GALNT13: variants seen among roughly 807,000 people sequenced by gnomAD.
GALNT13 encodes the protein polypeptide N-acetylgalactosaminyltransferase 13, also known as UDP-GalNAc:polypeptide N-acetylgalactosaminyltransferase 13.
Under a neutral mutation model 64.2 loss-of-function variants are expected in GALNT13, and 28 were observed. The observed-to-expected ratio is 0.44, with a 90% CI of 0.32 to 0.60. The LOEUF (loss-of-function observed/expected upper bound fraction) is 0.60, where lower values mean the gene tolerates loss of function less well. GALNT13 is among the 20% of genes least tolerant of loss of function. The pLI is 0.05. For missense variants in GALNT13, 577 were observed against 669.8 expected (o/e 0.86, Z 1.53); for synonymous variants, 214 against 224.6 (o/e 0.95, Z 0.42).
intron 11 of GALNT13, among the ~76,000 whole-genome samples, chr2:154,421,452 G>A (rs531702063): frequency 4.6e-5 from 7 of 152,040 alleles, no homozygotes; most frequent in Admixed American, 2.0e-4. Flanking sequence ...AAATATAGAC[G>A]TAGTAGTCAT....
chr2:153,909,597 G>A (rs991886202), intron 2 of GALNT13, among the ~76,000 whole-genome samples: 1 of 152,070 alleles, frequency 6.6e-6, no homozygotes, highest in Non-Finnish European at 1.5e-5. Flanking sequence ...TTTGAGGTAT[G>A]TTCCTTCAAT....
At chr2:154,384,791 T>G (rs933165403) in intron 9 of GALNT13, among the ~76,000 whole-genome samples, 1 of 151,954 alleles carries the variant, frequency 6.6e-6, no homozygotes, top group African/African-American at 2.4e-5. Context: ...AAATCATGAT[T>G]CAGTATTATG....
At chr2:153,683,671 G>A in the GALNT13 span, among the ~76,000 whole-genome samples, 3 of 151,612 alleles carry the variant, frequency 2.0e-5, no homozygotes, top group Non-Finnish European at 4.4e-5. Flanking sequence ...TTGGACTTTT[G>A]ATGCCTCTCA....
chr2:154,026,324 C>G (rs964937787), intron 3 of GALNT13, among the ~76,000 whole-genome samples: 5 of 152,068 alleles, frequency 3.3e-5, no homozygotes, highest in African/African-American at 9.7e-5. Flanking sequence ...AGTCTTCTGG[C>G]TTGCTATTAT....
intron 10 of GALNT13, among the ~76,000 whole-genome samples, chr2:154,407,379 G>A (rs148777730): frequency 1.3e-5 from 2 of 152,196 alleles, no homozygotes; most frequent in East Asian, 1.9e-4. Context: ...AAAATCTGAT[G>A]TAAGGGATTT....
the GALNT13 span, among the ~76,000 whole-genome samples, chr2:153,516,767 T>C: frequency 6.6e-6 from 1 of 152,112 alleles, no homozygotes; most frequent in Non-Finnish European, 1.5e-5. Flanking sequence ...TAATTAAGCA[T>C]GAATTCCATT....
chr2:153,146,172 T>G, the GALNT13 span, among the ~76,000 whole-genome samples: 346 of 106,632 alleles, frequency 3.2e-3, no homozygotes, highest in Admixed American at 4.9e-3. Flanking sequence ...TTATGGAGGG[T>G]TTTTTTTTTT....
chr2:153,593,958 G>A, the GALNT13 span, among the ~76,000 whole-genome samples: 1 of 152,014 alleles, frequency 6.6e-6, no homozygotes, highest in African/African-American at 2.4e-5. Context: ...TCAATAACTT[G>A]CCGTAAAATA....
At chr2:153,339,401 A>T in the GALNT13 span, among the ~76,000 whole-genome samples, 4 of 152,268 alleles carry the variant, frequency 2.6e-5, no homozygotes, top group South Asian at 6.2e-4. Flanking sequence ...ATTGTTGGCC[A>T]TTTGTGTGTC....
chr2:154,168,893 A>G (rs1005039910), intron 4 of GALNT13, among the ~76,000 whole-genome samples: 1 of 152,006 alleles, frequency 6.6e-6, no homozygotes, highest in Admixed American at 6.6e-5. Flanking sequence ...GGCTAATGGT[A>G]CTGTAGTTTC....
Position 154,027,348 on chromosome 2 carries a change from G to A in GALNT13, c.142+82709G>A, listed in dbSNP as rs117735540. On this transcript the variant is annotated intron_variant, in intron 3 of 12. Coordinates refer to ENST00000392825, the MANE Select transcript of GALNT13 (RefSeq NM_052917.4). ...GACTACTTAACAATATAGAAACATT[G>A]CTTTGTGTCTGCTTTTCCATATTCA... Among the ~76,000 whole-genome samples, 5 of 152,186 alleles carry A rather than the reference G, an allele frequency of 3.3e-5. No homozygotes were observed. The East Asian group carries it at 9.7e-4, about 29-fold the overall frequency.
chr2:153,412,598 A>T, the GALNT13 span, among the ~76,000 whole-genome samples: 7 of 152,254 alleles, frequency 4.6e-5, no homozygotes, highest in Middle Eastern at 3.4e-3. Context: ...AGGAATTTGA[A>T]AACTGTCAAG....
intron 2 of GALNT13, among the ~76,000 whole-genome samples, chr2:153,939,968 G>A (rs967249786): frequency 6.6e-6 from 1 of 152,034 alleles, no homozygotes; most frequent in East Asian, 1.9e-4. Context: ...ACTCTGAAAC[G>A]TTTTCTTTTA....
chr2:153,285,069 A>G, the GALNT13 span, among the ~76,000 whole-genome samples: 1 of 151,624 alleles, frequency 6.6e-6, no homozygotes, highest in South Asian at 2.1e-4. Flanking sequence ...ATTGACTCAC[A>G]GTTCCACATG....
chr2:153,258,293 C>G, the GALNT13 span, among the ~76,000 whole-genome samples: 1 of 152,104 alleles, frequency 6.6e-6, no homozygotes, highest in African/African-American at 2.4e-5. Context: ...CCCCCACCCA[C>G]CAAGTTGTCC....
intron 2 of GALNT13, among the ~76,000 whole-genome samples, chr2:153,931,118 G>T (rs748380521): frequency 8.1e-5 from 12 of 148,336 alleles, no homozygotes; most frequent in Non-Finnish European, 1.6e-4. Flanking sequence ...TTGTGAATGG[G>T]ATTGCCTCTT....
At chr2:153,501,443 C>T in the GALNT13 span, among the ~76,000 whole-genome samples, 4 of 152,046 alleles carry the variant, frequency 2.6e-5, no homozygotes, top group African/African-American at 9.7e-5. Flanking sequence ...GCGATTCTCC[C>T]ACCTCAGCCC....
chr2:153,741,324 C>T, the GALNT13 span, among the ~76,000 whole-genome samples: 12,429 of 151,832 alleles, frequency 0.082, 1,117 homozygotes, highest in African/African-American at 0.22. Flanking sequence ...TATGCTTTGC[C>T]TTTCCATTCT....
At chr2:154,131,005 G>A (rs569846709) in intron 3 of GALNT13, among the ~76,000 whole-genome samples, 14 of 152,264 alleles carry the variant, frequency 9.2e-5, no homozygotes, top group Non-Finnish European at 1.9e-4. Context: ...GGCAAAATGG[G>A]AAGAATGGGG....
Sources: allele counts gnomAD v4.1 joint callset (sites outside exome capture counted in the v4.1 genomes callset), GRCh38; gene constraint gnomAD v4.1.1; transcripts MANE v1.5; gene names NCBI Gene and HGNC (gene_info 2026-07-23, HGNC 2026-07-21).